SLC15A4: variants seen among roughly 807,000 people sequenced by gnomAD.
The protein encoded by SLC15A4 is solute carrier family 15 member 4.
A neutral mutation model predicts 46.1 loss-of-function variants in SLC15A4; 26 were observed. The observed-to-expected ratio is 0.56, with a 90% CI of 0.41 to 0.78. The LOEUF is 0.78. Ranked by LOEUF, SLC15A4 falls within the 30% of genes least tolerant of loss-of-function variation. The pLI is 0.00. For synonymous variants in SLC15A4, 370 were observed against 333.4 expected (o/e 1.11, Z -1.20); for missense variants, 751 against 755.7 (o/e 0.99, Z 0.07).
chr12:128,796,091 C>G (rs1264773802), intron 7 of SLC15A4, among the ~76,000 whole-genome samples: 8 of 152,194 alleles, frequency 5.3e-5, no homozygotes, highest in Non-Finnish European at 2.9e-5. Flanking sequence ...TGAACATATA[C>G]TGCATGTTCA....
chr12:128,807,551 T>C (rs879295059), intron 5 of SLC15A4, among the ~76,000 whole-genome samples: 9 of 152,198 alleles, frequency 5.9e-5, no homozygotes, highest in Non-Finnish European at 1.0e-4. Context: ...AGGCCAAAGC[T>C]GAGCCTGCGC....
rs1447749817 is a variant in SLC15A4, at chr12:128,794,187, T to C, written c.*9A>G. ...TCAGCCTCAGAAACCGCACATGGCC[T>C]CAGGAAGGTCAGGCCCTCCTGCTGG... On this transcript the variant is annotated 3_prime_UTR_variant, in exon 8 of 8. Coordinates refer to ENST00000266771, the MANE Select transcript of SLC15A4 (RefSeq NM_145648.4). The C allele has an allele frequency of 6.2e-7, 1 of 1,606,168 alleles. No homozygotes were observed.
chr12:128,799,549 C>T, intron 6 of SLC15A4, 132 bp from the exon 7 acceptor site: 1 of 894,250 alleles, frequency 1.1e-6, no homozygotes, highest in Non-Finnish European at 1.7e-6. Flanking sequence ...GGCACAACCT[C>T]TTTTCTATTA....
chr12:128,797,581 AAC>A (rs1043845015), intron 7 of SLC15A4, among the ~76,000 whole-genome samples: 13 of 152,192 alleles, frequency 8.5e-5, no homozygotes, highest in African/African-American at 3.1e-4. Flanking sequence ...AACACAATGT[AAC>A]AAAACTCTGG....
chr12:128,796,370 A>T (rs1955441987), intron 7 of SLC15A4, among the ~76,000 whole-genome samples: 1 of 140,592 alleles, frequency 7.1e-6, no homozygotes, highest in Non-Finnish European at 1.5e-5. Flanking sequence ...GAAAGGCTGC[A>T]GTGAGCCAAG....
At position 128,809,033 on chromosome 12, in the gene SLC15A4, T is replaced by A. The variant is rs1414065306; in HGVS notation, c.1090-77A>T. On this transcript the variant is annotated intron_variant, in intron 4 of 7. Coordinates refer to ENST00000266771, the MANE Select transcript of SLC15A4 (RefSeq NM_145648.4). ...CCTGTCTAGAGAACCAACGTCTCAA[T>A]GGGAGAAATGCACGTAAAGAACAGT... is the stretch of plus-strand genomic sequence containing the variant. The A allele has an allele frequency of 2.2e-6, 3 of 1,352,338 alleles. No individual in the cohort carries two copies. The Admixed American group carries it at 6.3e-5, about 28-fold the overall frequency. 83.8% of individuals were successfully genotyped at this position (1,352,338 alleles called of 1,614,324 possible). A position where few individuals can be genotyped will look rare whatever the true frequency, so the allele number is the denominator to read the frequency against.
rs1320152250 is a variant in SLC15A4 at position 128,823,520 on chromosome 12, T to C, written c.424A>G (p.Thr142Ala). Reference sequence around the variant, plus strand: ...GCGGCGGCGTCGGGACCAGGCGCCGTGCAGTTGAGCAGGCGCGCGGAACCG... The same window carrying C: ...GCGGCGGCGTCGGGACCAGGCGCCGCGCAGTTGAGCAGGCGCGCGGAACCG... ...LCGSARLLNC[T>A]APGPDAAARC... The change falls in exon 1 of 8, where the codon ACG becomes GCG. Residue 142 changes from threonine (T) to alanine (A), a missense_variant. Physicochemically the swap from Thr to Ala is moderately conservative, Grantham distance 58. Transcript: ENST00000266771. The C allele has an allele frequency of 1.4e-6, 2 of 1,479,134 alleles. No individual in the cohort carries two copies. Among genetic ancestry groups the C allele is most frequent in the East Asian group, 2.9e-5 (1 of 34,618 alleles). 91.6% of individuals were successfully genotyped at this position (1,479,134 alleles called of 1,614,324 possible).
intron 6 of SLC15A4, 37 bp from the exon 7 acceptor site, chr12:128,799,454 G>A: frequency 1.2e-6 from 2 of 1,611,212 alleles, no homozygotes; most frequent in Middle Eastern, 1.7e-4. Context: ...TTTGTGAAAG[G>A]GGCACTTTAA....
rs905945819 is a variant in SLC15A4 at position 128,823,481 on chromosome 12, G to C, written c.463C>G (p.Pro155Ala). Residue 155 changes from proline (P) to alanine (A), a missense_variant, in exon 1 of 8, where the codon CCG becomes GCG. Physicochemically the swap from Pro to Ala is conservative, Grantham distance 27 (BLOSUM62 -1). Transcript: ENST00000266771. Reference sequence around the variant, plus strand: ...AGCACCAGCCCCGCGAAGGTGGCCGGTGAGCAGCAGCGGGCGGCGGCGTCG... The same window carrying C: ...AGCACCAGCCCCGCGAAGGTGGCCGCTGAGCAGCAGCGGGCGGCGGCGTCG... ...GPDAAARCCS[P>A]ATFAGLVLVG... 6.7e-7 allele frequency: 1 copy of C among 1,484,670 alleles called. No homozygotes were observed. The highest frequency in any genetic ancestry group is 8.9e-7 in the Non-Finnish European group (1 of 1,124,520). 92.0% of individuals were successfully genotyped at this position (1,484,670 alleles called of 1,614,324 possible). A position where few individuals can be genotyped will look rare whatever the true frequency, so the allele number is the denominator to read the frequency against.
intron 6 of SLC15A4, among the ~76,000 whole-genome samples, chr12:128,800,132 C>T (rs547758538): frequency 6.6e-6 from 1 of 152,244 alleles, no homozygotes; most frequent in African/African-American, 2.4e-5. Flanking sequence ...TATGAGCCAC[C>T]GTGACAAGGG....
At chr12:128,816,425 T>C (rs891487075) in intron 1 of SLC15A4, among the ~76,000 whole-genome samples, 2 of 152,208 alleles carry the variant, frequency 1.3e-5, no homozygotes, top group Non-Finnish European at 2.9e-5. Flanking sequence ...GTCTCATTCT[T>C]AAGTCACAGG....
chr12:128,799,988 C>T (rs532205695), intron 6 of SLC15A4, among the ~76,000 whole-genome samples: 17 of 152,140 alleles, frequency 1.1e-4, no homozygotes, highest in South Asian at 1.0e-3. Flanking sequence ...ATTACAGGTG[C>T]GTGCCACCAT....
intron 5 of SLC15A4, among the ~76,000 whole-genome samples, chr12:128,803,087 T>C (rs1180369767): frequency 6.6e-6 from 1 of 150,846 alleles, no homozygotes; most frequent in Non-Finnish European, 1.5e-5. Context: ...AAAACAAGCA[T>C]GGGATGCGAC....
rs202166591 is a variant in SLC15A4, at chr12:128,808,976, G to A, written c.1090-20C>T. On this transcript the variant is annotated intron_variant, in intron 4 of 7. Transcript: ENST00000266771. ...AGGGAGCTGGGGTGAAACACAGGAG[G>A]AGGCGTTTACTCCCCGCAATACAGG... is the stretch of plus-strand genomic sequence containing the variant. 3 of 1,606,022 alleles carry A rather than the reference G, an allele frequency of 1.9e-6. No homozygotes were observed. In the South Asian group the frequency reaches 3.3e-5, roughly 18 times the overall value.
chr12:128,816,672 A>C (rs535564631), intron 1 of SLC15A4, among the ~76,000 whole-genome samples: 1 of 152,222 alleles, frequency 6.6e-6, no homozygotes, highest in East Asian at 1.9e-4. Context: ...CTCTACAAAA[A>C]ATTACAAACA....
At position 128,801,021 on chromosome 12, in the gene SLC15A4, A is replaced by T; in HGVS notation, c.1259-12T>A. ...ACTCTCCAAAATTCCTAGAATTCAAAAGTAGGTTAGTGTAATATTCATTTA... is the reference window on the plus strand; with the variant it reads ...ACTCTCCAAAATTCCTAGAATTCAATAGTAGGTTAGTGTAATATTCATTTA... On this transcript the variant is annotated splice_polypyrimidine_tract_variant and intron_variant, in intron 5 of 7. Transcript: ENST00000266771. 1 of 1,592,496 alleles carries T rather than the reference A, an allele frequency of 6.3e-7. No individual in the cohort carries two copies. Among genetic ancestry groups the T allele is most frequent in the Non-Finnish European group, 8.5e-7 (1 of 1,169,740 alleles).
At chr12:128,798,665 T>A (rs1955477211) in intron 7 of SLC15A4, among the ~76,000 whole-genome samples, 1 of 152,210 alleles carries the variant, frequency 6.6e-6, no homozygotes, top group Non-Finnish European at 1.5e-5. Flanking sequence ...TGGGTCCATT[T>A]AAAGGCATCG....
At chr12:128,819,667 T>G (rs899092758) in intron 1 of SLC15A4, 2 of 152,152 alleles carry the variant, frequency 1.3e-5, no homozygotes, top group African/African-American at 4.8e-5. Flanking sequence ...GTCTCCCGAG[T>G]AGCCTTTCAT....
intron 1 of SLC15A4, among the ~76,000 whole-genome samples, chr12:128,822,769 T>A (rs563995387): frequency 1.0e-3 from 159 of 152,212 alleles, no homozygotes; most frequent in Non-Finnish European, 1.7e-3. Flanking sequence ...CTCCTGACCT[T>A]AGGTGATCCA....
Sources: allele counts gnomAD v4.1 joint callset (sites outside exome capture counted in the v4.1 genomes callset), GRCh38; gene constraint gnomAD v4.1.1; transcripts MANE v1.5; gene names NCBI Gene and HGNC (gene_info 2026-07-23, HGNC 2026-07-21).